The following PPARG variants were observed in gnomAD, a reference collection of about 807,000 sequenced individuals.
PPARG encodes peroxisome proliferator activated receptor gamma.
In PPARG, 17 loss-of-function variants were observed where a neutral mutation model predicts 39.2. That is an observed-to-expected ratio of 0.43 (90% CI 0.30 to 0.65). The LOEUF (loss-of-function observed/expected upper bound fraction) is 0.65, where lower values mean the gene tolerates loss of function less well. Ranked by LOEUF, PPARG falls within the 30% of genes least tolerant of loss-of-function variation. The probability of loss-of-function intolerance (pLI) is 0.13; values close to 1 mark genes in which losing one functional copy is unlikely to be tolerated. For missense variants in PPARG, 406 were observed against 585.9 expected (o/e 0.69, Z 3.17); for synonymous variants, 223 against 215.7 (o/e 1.03, Z -0.30).
chr3:12,419,919 T>C (rs1005747928), intron 7 of PPARG, among the ~76,000 whole-genome samples: 1 of 152,248 alleles, frequency 6.6e-6, no homozygotes, highest in Non-Finnish European at 1.5e-5. Context: ...TACATACTCT[T>C]TGTTAATAGT....
intron 2 of PPARG, among the ~76,000 whole-genome samples, chr3:12,356,514 G>C (rs916746977): frequency 6.6e-6 from 1 of 152,172 alleles, no homozygotes; most frequent in Non-Finnish European, 1.5e-5. Flanking sequence ...TTGCCTACAA[G>C]GGAATTATTC....
intron 4 of PPARG, among the ~76,000 whole-genome samples, chr3:12,391,349 A>G (rs896319589): frequency 2.6e-5 from 4 of 152,188 alleles, no homozygotes; most frequent in Admixed American, 2.6e-4. Flanking sequence ...GGAGCAGAGT[A>G]AAGAAGATCA....
At chr3:12,350,687 C>T (rs538502834) in intron 2 of PPARG, among the ~76,000 whole-genome samples, 3 of 152,180 alleles carry the variant, frequency 2.0e-5, no homozygotes, top group African/African-American at 4.8e-5. Context: ...TCCTCGCCAA[C>T]CTAACAGCGT....
intron 3 of PPARG, among the ~76,000 whole-genome samples, chr3:12,380,807 G>T (rs1393855758): frequency 6.6e-6 from 1 of 152,072 alleles, no homozygotes; most frequent in Non-Finnish European, 1.5e-5. Context: ...CACCTCCTTT[G>T]ACTGAACACT....
intron 2 of PPARG, among the ~76,000 whole-genome samples, chr3:12,324,800 T>C (rs746129324): frequency 2.6e-5 from 4 of 152,176 alleles, no homozygotes; most frequent in Non-Finnish European, 5.9e-5. Context: ...TCTGGATGAA[T>C]TCCTTTTTCC....
chr3:12,296,527 C>T (rs747742578), intron 1 of PPARG, among the ~76,000 whole-genome samples: 1 of 152,090 alleles, frequency 6.6e-6, no homozygotes, highest in Non-Finnish European at 1.5e-5. Flanking sequence ...TTCTAGTAAG[C>T]CTTACCCTTG....
intron 2 of PPARG, among the ~76,000 whole-genome samples, chr3:12,326,735 A>T (rs562097622): frequency 1.4e-3 from 207 of 151,892 alleles, no homozygotes; most frequent in African/African-American, 3.9e-3. Flanking sequence ...AGATATATAA[A>T]AAAAAAAAGG....
At chr3:12,334,271 C>A (rs2047947531) in intron 2 of PPARG, among the ~76,000 whole-genome samples, 2 of 150,156 alleles carry the variant, frequency 1.3e-5, no homozygotes, top group Admixed American at 1.3e-4. Context: ...TGCTCTGTGA[C>A]CCTGGCTGGA....
At chr3:12,397,226 A>T (rs918755409) in intron 5 of PPARG, among the ~76,000 whole-genome samples, 4 of 151,874 alleles carry the variant, frequency 2.6e-5, no homozygotes, top group African/African-American at 7.2e-5. Flanking sequence ...GCTTCATAAA[A>T]ATCCAGAAAA....
chr3:12,401,570 C>G (rs1053877908), intron 5 of PPARG, among the ~76,000 whole-genome samples: 1 of 150,264 alleles, frequency 6.7e-6, no homozygotes, highest in Non-Finnish European at 1.5e-5. Flanking sequence ...ATAAAACTGG[C>G]TTTTTTCCCC....
intron 7 of PPARG, among the ~76,000 whole-genome samples, chr3:12,432,452 G>A (rs1190590800): frequency 1.3e-5 from 2 of 152,140 alleles, no homozygotes; most frequent in African/African-American, 2.4e-5. Flanking sequence ...CAACATTCCT[G>A]ACTAAAACAA....
At chr3:12,329,480 A>G (rs2047789715) in intron 2 of PPARG, among the ~76,000 whole-genome samples, 1 of 152,238 alleles carries the variant, frequency 6.6e-6, no homozygotes, top group Non-Finnish European at 1.5e-5. Flanking sequence ...TTGTACACTT[A>G]TTACTGCTAA....
chr3:12,428,502 C>G (rs2051536997), intron 7 of PPARG, among the ~76,000 whole-genome samples: 1 of 152,254 alleles, frequency 6.6e-6, no homozygotes, highest in South Asian at 2.1e-4. Context: ...GGGAGAGGAT[C>G]TCAGGTGGGC....
At chr3:12,433,576 C>G (rs920014438) in intron 7 of PPARG, among the ~76,000 whole-genome samples, 3 of 151,470 alleles carry the variant, frequency 2.0e-5, no homozygotes, top group Non-Finnish European at 4.4e-5. Context: ...AAGGAGATTT[C>G]TGAGTAGAAA....
chr3:12,392,563 T>G, intron 4 of PPARG, 51 bp from the exon 5 acceptor site: 1 of 1,606,898 alleles, frequency 6.2e-7, no homozygotes. Context: ...AGGTTGCTGC[T>G]TCCATGTGTC....
chr3:12,290,934 C>G (rs1034191794), intron 1 of PPARG, among the ~76,000 whole-genome samples: 3 of 152,170 alleles, frequency 2.0e-5, no homozygotes, highest in African/African-American at 7.2e-5. Context: ...CCCACACTTT[C>G]ACTTCTTTCC....
intron 1 of PPARG, among the ~76,000 whole-genome samples, chr3:12,294,785 C>T (rs2046735662): frequency 6.6e-6 from 1 of 152,228 alleles, no homozygotes; most frequent in South Asian, 2.1e-4. Context: ...CCCAGCTACT[C>T]AGGTGGCTGA....
At chr3:12,332,726 T>C (rs1308729138) in intron 2 of PPARG, among the ~76,000 whole-genome samples, 1 of 152,150 alleles carries the variant, frequency 6.6e-6, no homozygotes, top group African/African-American at 2.4e-5. Flanking sequence ...AGTAGACATG[T>C]ATACAGTAAA....
At chr3:12,357,341 A>G (rs2048701573) in intron 2 of PPARG, among the ~76,000 whole-genome samples, 2 of 151,824 alleles carry the variant, frequency 1.3e-5, no homozygotes, top group South Asian at 4.2e-4. Context: ...TTCCTTCCAC[A>G]TTCCAGATGC....
Sources: allele counts gnomAD v4.1 joint callset (sites outside exome capture counted in the v4.1 genomes callset), GRCh38; gene constraint gnomAD v4.1.1; transcripts MANE v1.5; gene names NCBI Gene and HGNC (gene_info 2026-07-23, HGNC 2026-07-21).